The following PACRG variants were observed in gnomAD, a reference collection of about 807,000 sequenced individuals.
PACRG encodes the protein parkin coregulated gene protein.
Under a neutral mutation model 29.7 loss-of-function variants are expected in PACRG, and 29 were observed. The observed-to-expected ratio is 0.98, with a 90% CI of 0.73 to 1.33. PACRG has a LOEUF of 1.33. PACRG is among the 40% of genes most tolerant of loss of function. The pLI, the probability that PACRG is intolerant of heterozygous loss-of-function variation, is 0.00. For missense variants in PACRG, 279 were observed against 316.2 expected, an observed-to-expected ratio of 0.88 and a Z score of 0.89; for synonymous variants, 116 against 118.7, an observed-to-expected ratio of 0.98 and a Z score of 0.15.
chr6:162,731,995 A>AG (rs1779805258), intron 1 of PACRG, among the ~76,000 whole-genome samples: 1 of 152,096 alleles, frequency 6.6e-6, no homozygotes, highest in Non-Finnish European at 1.5e-5. Context: ...ACCTGAGACA[A>AG]GGGGGGCTCG....
intron 4 of PACRG, among the ~76,000 whole-genome samples, chr6:163,090,895 C>A (rs902570062): frequency 3.3e-5 from 5 of 152,190 alleles, no homozygotes; most frequent in African/African-American, 1.2e-4. Flanking sequence ...AATATTTCCT[C>A]AGTAATCCTC....
At chr6:162,826,192 T>C (rs916483956) in intron 2 of PACRG, among the ~76,000 whole-genome samples, 1 of 152,170 alleles carries the variant, frequency 6.6e-6, no homozygotes, top group African/African-American at 2.4e-5. Flanking sequence ...GTAAGCAAGT[T>C]ACCTTTATGT....
At chr6:163,232,565 A>C (rs1782087135) in intron 4 of PACRG, among the ~76,000 whole-genome samples, 1 of 152,206 alleles carries the variant, frequency 6.6e-6, no homozygotes. Context: ...GAGAAGGGGC[A>C]GAGGAAGGTG....
intron 3 of PACRG, among the ~76,000 whole-genome samples, chr6:163,076,666 G>C (rs1812576559): frequency 6.6e-6 from 1 of 152,168 alleles, no homozygotes; most frequent in Admixed American, 6.5e-5. Context: ...CAAACCGATT[G>C]TGCCGTAGAA....
Position 162,949,127 on chromosome 6 carries a change from A to C in PACRG, c.292-113023A>C, listed in dbSNP as rs557671990. On this transcript the variant is annotated intron_variant, in intron 2 of 4. Transcript: ENST00000366888. The stretch of plus-strand genomic sequence containing the variant: ...TCCTCAGTATATGAATGCATTTTAA[A>C]AATGTAGTACATATACATGGAATAC... Among the ~76,000 whole-genome samples the C allele has an allele frequency of 1.8e-4, 27 of 152,310 alleles. No individual in the cohort carries two copies. In the South Asian group the frequency reaches 5.6e-3, roughly 32 times the overall value.
intron 4 of PACRG, among the ~76,000 whole-genome samples, chr6:163,105,107 T>G (rs1448903902): frequency 2.0e-5 from 3 of 152,096 alleles, no homozygotes; most frequent in Non-Finnish European, 4.4e-5. Flanking sequence ...CACTAGTAAG[T>G]TTTTCTTGAT....
intron 2 of PACRG, among the ~76,000 whole-genome samples, chr6:163,058,949 C>A (rs1476641948): frequency 6.8e-5 from 10 of 147,466 alleles, no homozygotes; most frequent in African/African-American, 1.8e-4. Flanking sequence ...TGTGTTGGTG[C>A]GTGCCTGTAA....
intron 2 of PACRG, among the ~76,000 whole-genome samples, chr6:163,026,100 C>CTATA (rs1386282899): frequency 4.6e-5 from 7 of 152,288 alleles, no homozygotes; most frequent in African/African-American, 1.7e-4. Context: ...TACTATAAGA[C>CTATA]TATAGTAACC....
chr6:162,945,072 CA>C (rs1295979571), intron 2 of PACRG, among the ~76,000 whole-genome samples: 2 of 151,610 alleles, frequency 1.3e-5, no homozygotes, highest in African/African-American at 4.8e-5. Context: ...CACCAAACAA[CA>C]ATGCTAAACA....
chr6:163,177,548 G>A (rs1779426831), intron 4 of PACRG, among the ~76,000 whole-genome samples: 1 of 151,922 alleles, frequency 6.6e-6, no homozygotes, highest in African/African-American at 2.4e-5. Context: ...GGCTGTGGAG[G>A]GTTTGTGCTC....
Position 163,054,516 on chromosome 6 carries a change from G to C in PACRG, c.292-7634G>C, listed in dbSNP as rs146676074. Among the ~76,000 whole-genome samples the C allele has an allele frequency of 2.3e-4, 35 of 152,280 alleles. 1 individual carries two copies. In the East Asian group the frequency reaches 6.8e-3, roughly 29 times the overall value. On this transcript the variant is annotated intron_variant, in intron 2 of 4. Coordinates refer to ENST00000366888, the MANE Select transcript of PACRG (RefSeq NM_001080379.2). Reference sequence around the variant, plus strand: ...CAGCCTGGGCTAAGACAGTGCGTTCGAAGAGTCCCTAAGGAGGAACTGCTG... The same window carrying C: ...CAGCCTGGGCTAAGACAGTGCGTTCCAAGAGTCCCTAAGGAGGAACTGCTG...
intron 2 of PACRG, among the ~76,000 whole-genome samples, chr6:162,968,061 C>T (rs1031329061): frequency 6.6e-6 from 1 of 152,150 alleles, no homozygotes; most frequent in Non-Finnish European, 1.5e-5. Context: ...GTGAGTTACA[C>T]ACTACCTATC....
chr6:162,796,640 TTGTC>T (rs1785403589), intron 1 of PACRG, among the ~76,000 whole-genome samples: 1 of 152,142 alleles, frequency 6.6e-6, no homozygotes, highest in South Asian at 2.1e-4. Context: ...GTGCTTACCT[TTGTC>T]TGGTTAAATA....
intron 2 of PACRG, among the ~76,000 whole-genome samples, chr6:162,854,994 GC>G (rs1791257378): frequency 6.6e-6 from 1 of 152,252 alleles, no homozygotes; most frequent in Non-Finnish European, 1.5e-5. Context: ...TCTACGCTGT[GC>G]CCTGCGAGCG....
Position 162,740,652 on chromosome 6 carries a change from T to C in PACRG, c.156+12261T>C, listed in dbSNP as rs570593690. ...ACTCGCTCAGCCACCCAGGCTGGAG[T>C]GCAGTGGCATAATCTCAGCTCACTG... is the stretch of plus-strand genomic sequence containing the variant. On this transcript the variant is annotated intron_variant, in intron 1 of 4. Transcript: ENST00000366888. Among the ~76,000 whole-genome samples the C allele has an allele frequency of 3.6e-4, 52 of 146,106 alleles. No homozygotes were observed. The East Asian group carries it at 7.6e-3, about 21-fold the overall frequency.
intron 2 of PACRG, among the ~76,000 whole-genome samples, chr6:163,012,572 C>T (rs184799110): frequency 6.6e-6 from 1 of 152,372 alleles, no homozygotes; most frequent in East Asian, 1.9e-4. Context: ...CAGGTGCTTT[C>T]TCATTGTCAT....
At chr6:163,281,356 G>A (rs1413839076) in intron 4 of PACRG, among the ~76,000 whole-genome samples, 1 of 152,192 alleles carries the variant, frequency 6.6e-6, no homozygotes, top group African/African-American at 2.4e-5. Context: ...CTGAGACTTT[G>A]CCTCAGCACA....
intron 3 of PACRG, among the ~76,000 whole-genome samples, chr6:163,073,625 A>G (rs2985669): frequency 0.039 from 5,949 of 152,316 alleles, 157 homozygotes; most frequent in Non-Finnish European, 0.059. Context: ...CAAAGGAAAC[A>G]ATCAACAAAG....
At chr6:163,071,998 A>G (rs1812101042) in intron 3 of PACRG, among the ~76,000 whole-genome samples, 2 of 151,766 alleles carry the variant, frequency 1.3e-5, no homozygotes, top group South Asian at 4.2e-4. Flanking sequence ...ATTCTACCAG[A>G]CATTTCAAGA....
Sources: allele counts gnomAD v4.1 joint callset (sites outside exome capture counted in the v4.1 genomes callset), GRCh38; gene constraint gnomAD v4.1.1; transcripts MANE v1.5; gene names NCBI Gene and HGNC (gene_info 2026-07-23, HGNC 2026-07-21).